ARL8B: variants seen among roughly 807,000 people sequenced by gnomAD.
ARL8B encodes ARF like GTPase 8B, also known as ADP-ribosylation factor-like protein 8B.
A neutral mutation model predicts 30.6 loss-of-function variants in ARL8B; 9 were observed. That is an observed-to-expected ratio of 0.29 (90% CI 0.18 to 0.51). The LOEUF (loss-of-function observed/expected upper bound fraction) is 0.51, where lower values mean the gene tolerates loss of function less well. Ranked by LOEUF, ARL8B falls within the 20% of genes least tolerant of loss-of-function variation. The probability of loss-of-function intolerance (pLI) is 0.97; values close to 1 mark genes in which losing one functional copy is unlikely to be tolerated. For missense variants in ARL8B, 130 were observed against 227.2 expected, an observed-to-expected ratio of 0.57 and a Z score of 2.75; for synonymous variants, 74 against 76.0, an observed-to-expected ratio of 0.97 and a Z score of 0.14.
intron 1 of ARL8B, among the ~76,000 whole-genome samples, chr3:5,156,227 C>T (rs1219676717): frequency 6.6e-6 from 1 of 152,036 alleles, no homozygotes; most frequent in Non-Finnish European, 1.5e-5. Flanking sequence ...ACTGGTCTTC[C>T]TCAGGGTCAG....
At chr3:5,150,458 A>G (rs2054471893) in intron 1 of ARL8B, among the ~76,000 whole-genome samples, 2 of 150,434 alleles carry the variant, frequency 1.3e-5, no homozygotes, top group African/African-American at 4.9e-5. Flanking sequence ...GCGAGAATCC[A>G]TGTCAAAATA....
At chr3:5,149,219 G>A (rs1325176461) in intron 1 of ARL8B, among the ~76,000 whole-genome samples, 1 of 152,232 alleles carries the variant, frequency 6.6e-6, no homozygotes, top group African/African-American at 2.4e-5. Context: ...TTGCTGCAGT[G>A]TGTGCTTTTC....
intron 1 of ARL8B, among the ~76,000 whole-genome samples, chr3:5,148,345 G>T (rs2054448345): frequency 6.6e-6 from 1 of 152,174 alleles, no homozygotes; most frequent in South Asian, 2.1e-4. Context: ...TGCCTGCTGT[G>T]TGGAAGGGAT....
intron 1 of ARL8B, among the ~76,000 whole-genome samples, chr3:5,148,007 G>C (rs921611478): frequency 6.6e-6 from 1 of 151,100 alleles, no homozygotes; most frequent in Non-Finnish European, 1.5e-5. Context: ...TATCCCATTT[G>C]GGGTCAACGT....
Position 5,174,480 on chromosome 3 carries a change from A to G in ARL8B, c.511+66A>G, listed in dbSNP as rs2054707591. On this transcript the variant is annotated intron_variant, in intron 6 of 6. Transcript: ENST00000256496. ...TGGAAGGAATGTCTATGCTTCTTAC[A>G]GCTTATTGTCTCGATTTCTCATTAA... The G allele has an allele frequency of 2.8e-6, 3 of 1,064,326 alleles. No homozygotes were observed. In the East Asian group the frequency reaches 7.3e-5, roughly 26 times the overall value. 65.9% of individuals were successfully genotyped at this position (1,064,326 alleles called of 1,614,324 possible).
At chr3:5,139,241 T>C (rs1167359568) in intron 1 of ARL8B, among the ~76,000 whole-genome samples, 2 of 152,220 alleles carry the variant, frequency 1.3e-5, no homozygotes, top group Admixed American at 1.3e-4. Flanking sequence ...GGCTTTAATG[T>C]ATCCAATGAC....
At chr3:5,169,960 G>T (rs1038213218) in intron 1 of ARL8B, among the ~76,000 whole-genome samples, 3 of 152,156 alleles carry the variant, frequency 2.0e-5, no homozygotes, top group African/African-American at 7.2e-5. Flanking sequence ...TGTGTATGTG[G>T]CTAGCATAAG....
rs114080223 is a variant in ARL8B at position 5,149,688 on chromosome 3, T to A, written c.124-20815T>A. On this transcript the variant is annotated intron_variant, in intron 1 of 6. Coordinates refer to ENST00000256496, the MANE Select transcript of ARL8B (RefSeq NM_018184.3). Reference sequence around the variant, plus strand: ...TTCTTTCCTTTTATGGGCTGACCCCTCTTCTACAGTCTGTTCACTTATCAT... The same window carrying A: ...TTCTTTCCTTTTATGGGCTGACCCCACTTCTACAGTCTGTTCACTTATCAT... 4.9e-3 allele frequency among the ~76,000 whole-genome samples: 749 copies of A among 152,344 alleles called. 4 individuals are homozygous for A. Among genetic ancestry groups the A allele is most frequent in the Admixed American group, 0.011 (170 of 15,304 alleles).
chr3:5,152,763 G>A (rs575206265), intron 1 of ARL8B, among the ~76,000 whole-genome samples: 8 of 152,320 alleles, frequency 5.3e-5, no homozygotes, highest in African/African-American at 1.7e-4. Context: ...TGGAATTACA[G>A]GCATGAGCCA....
chr3:5,122,903 GGGGTTTCCCTT>G (rs777628375), intron 1 of ARL8B, among the ~76,000 whole-genome samples: 1 of 152,228 alleles, frequency 6.6e-6, no homozygotes, highest in Non-Finnish European at 1.5e-5. Flanking sequence ...CTTGGGGATT[GGGGTTTCCCTT>G]GGGTTTGCCC....
intron 1 of ARL8B, among the ~76,000 whole-genome samples, chr3:5,164,557 T>C (rs185328948): frequency 1.3e-5 from 2 of 152,352 alleles, no homozygotes; most frequent in East Asian, 3.9e-4. Context: ...TGTATCACCT[T>C]ACAGCATTCA....
At chr3:5,149,619 C>T (rs868197888) in intron 1 of ARL8B, among the ~76,000 whole-genome samples, 6 of 152,192 alleles carry the variant, frequency 3.9e-5, no homozygotes, top group South Asian at 4.1e-4. Context: ...GTTATATCCT[C>T]GTCCCCTTCC....
intron 1 of ARL8B, among the ~76,000 whole-genome samples, chr3:5,149,496 C>T (rs111429749): frequency 1.3e-5 from 2 of 152,090 alleles, no homozygotes; most frequent in African/African-American, 2.4e-5. Context: ...GGGGCAGTTA[C>T]GACAGGCAAT....
In ARL8B at chr3:5,177,733, T is replaced by C. The variant is rs142241222; in HGVS notation, c.512-931T>C. Reference sequence around the variant, plus strand: ...GCCTCCCAAAGTGTGGGATTACAGGTGTGAGCCACCGTGCCCGGCCATGAA... The same window carrying C: ...GCCTCCCAAAGTGTGGGATTACAGGCGTGAGCCACCGTGCCCGGCCATGAA... On this transcript the variant is annotated intron_variant, in intron 6 of 6. Coordinates refer to ENST00000256496, the MANE Select transcript of ARL8B (RefSeq NM_018184.3). 9.9e-3 allele frequency among the ~76,000 whole-genome samples: 1,515 copies of C among 152,264 alleles called. 23 individuals are homozygous for C. Among genetic ancestry groups the C allele is most frequent in the African/African-American group, 0.034 (1,418 of 41,554 alleles).
chr3:5,135,321 T>C (rs2054315085), intron 1 of ARL8B, among the ~76,000 whole-genome samples: 1 of 138,982 alleles, frequency 7.2e-6, no homozygotes, highest in Non-Finnish European at 1.5e-5. Flanking sequence ...GACAGTCTCA[T>C]TCTGTTGCCC....
chr3:5,125,423 C>T (rs1453941355), intron 1 of ARL8B, among the ~76,000 whole-genome samples: 1 of 151,954 alleles, frequency 6.6e-6, no homozygotes, highest in Non-Finnish European at 1.5e-5. Flanking sequence ...GGAAAGTAAT[C>T]GCATCATGTG....
At chr3:5,122,633 G>C (rs980482280) in intron 1 of ARL8B, 45 bp downstream of exon 1, 1 of 1,565,212 alleles carries the variant, frequency 6.4e-7, no homozygotes, top group Non-Finnish European at 8.7e-7. Flanking sequence ...GCAGCCAGGA[G>C]TCCGGCCCGG....
In ARL8B at chr3:5,165,277, T is replaced by G. The variant is rs531087648; in HGVS notation, c.124-5226T>G. On this transcript the variant is annotated intron_variant, in intron 1 of 6. Coordinates refer to ENST00000256496, the MANE Select transcript of ARL8B (RefSeq NM_018184.3). ...CAAAAAAAAAATTGTTTGTAATTCT[T>G]TTTCTTACTAATGTAAATTGAAATA... Among the ~76,000 whole-genome samples the G allele has an allele frequency of 2.0e-5, 3 of 152,326 alleles. No homozygotes were observed. The South Asian group carries it at 6.2e-4, about 32-fold the overall frequency.
intron 1 of ARL8B, among the ~76,000 whole-genome samples, chr3:5,126,831 C>T (rs1298390878): frequency 6.6e-6 from 1 of 152,170 alleles, no homozygotes; most frequent in East Asian, 1.9e-4. Flanking sequence ...CACAATAAGT[C>T]ATGTGCCTAT....
Sources: allele counts gnomAD v4.1 joint callset (sites outside exome capture counted in the v4.1 genomes callset), GRCh38; gene constraint gnomAD v4.1.1; transcripts MANE v1.5; gene names NCBI Gene and HGNC (gene_info 2026-07-23, HGNC 2026-07-21).